ZNF536: variants seen among roughly 807,000 people sequenced by gnomAD.
The protein encoded by ZNF536 is zinc finger protein 536.
A neutral mutation model predicts 84.5 loss-of-function variants in ZNF536; 13 were observed. The observed-to-expected ratio is 0.15, with a 90% CI of 0.10 to 0.24. ZNF536 has a LOEUF of 0.24. Ranked by LOEUF, ZNF536 falls within the 10% of genes least tolerant of loss-of-function variation. The pLI, the probability that ZNF536 is intolerant of heterozygous loss-of-function variation, is 1.00. For synonymous variants in ZNF536, 811 were observed against 742.5 expected (o/e 1.09, Z -1.50); for missense variants, 1,536 against 1,747.5 (o/e 0.88, Z 2.16).
chr19:30,709,180 G>A (rs538276761), intron 1 of ZNF536, among the ~76,000 whole-genome samples: 7 of 152,268 alleles, frequency 4.6e-5, no homozygotes, highest in Non-Finnish European at 7.4e-5. Flanking sequence ...TTAGGTGAAC[G>A]TCCACAGGAA....
chr19:30,637,301 A>G (rs570798016), intron 1 of ZNF536, among the ~76,000 whole-genome samples: 8 of 152,296 alleles, frequency 5.3e-5, no homozygotes, highest in Non-Finnish European at 1.0e-4. Flanking sequence ...GCTGGGTATC[A>G]TGTCCTACTG....
intron 2 of ZNF536, among the ~76,000 whole-genome samples, chr19:30,472,270 C>A (rs1175448614): frequency 6.8e-6 from 1 of 147,548 alleles, no homozygotes; most frequent in Non-Finnish European, 1.5e-5. Flanking sequence ...TATTGGTCAG[C>A]ATCTTGCATG....
intron 1 of ZNF536, among the ~76,000 whole-genome samples, chr19:30,585,094 T>C (rs1369006355): frequency 6.6e-6 from 1 of 150,786 alleles, no homozygotes; most frequent in African/African-American, 2.4e-5. Context: ...CACTCCAGCC[T>C]GGGCAACAGA....
intron 1 of ZNF536, among the ~76,000 whole-genome samples, chr19:30,283,727 G>A (rs910136218): frequency 1.4e-5 from 2 of 146,338 alleles, no homozygotes; most frequent in African/African-American, 2.6e-5. Flanking sequence ...CAGCGAGAGA[G>A]AAAGAGAGAG....
chr19:30,548,352 T>A lies in ZNF536; in HGVS notation c.2733T>A (p.Gly911=), dbSNP rs2045636925. 1.2e-6 allele frequency: 2 copies of A among 1,613,736 alleles called. No individual in the cohort carries two copies. Among genetic ancestry groups the A allele is most frequent in the East Asian group, 4.5e-5 (2 of 44,804 alleles). The change falls in exon 4 of 5, where the codon GGT becomes GGA. Residue 911 remains glycine (G), a synonymous_variant. Coordinates refer to ENST00000355537, the MANE Select transcript of ZNF536 (RefSeq NM_014717.3). ...GRAYQSIVSN[G]VNFQGSLQAF... is the part of the protein sequence containing the mutation. ...CTTATCAAAGCATTGTGAGCAACGGTGTGAATTTCCAAGGGTCCTTGCAAG... is the reference window on the plus strand; with the variant it reads ...CTTATCAAAGCATTGTGAGCAACGGAGTGAATTTCCAAGGGTCCTTGCAAG...
intron 2 of ZNF536, among the ~76,000 whole-genome samples, chr19:30,484,900 T>C (rs2054240453): frequency 1.3e-5 from 2 of 151,950 alleles, no homozygotes; most frequent in Admixed American, 6.5e-5. Flanking sequence ...TCCCAGCACT[T>C]TGGGAGGCCG....
At chr19:30,264,923 C>T (rs2025421336) in intron 1 of ZNF536, among the ~76,000 whole-genome samples, 1 of 140,010 alleles carries the variant, frequency 7.1e-6, no homozygotes, top group Non-Finnish European at 1.6e-5. Context: ...TCTGCTCTGT[C>T]AATAGTCGTG....
intron 1 of ZNF536, among the ~76,000 whole-genome samples, chr19:30,246,616 C>T (rs902214515): frequency 4.6e-5 from 7 of 152,208 alleles, no homozygotes; most frequent in South Asian, 2.1e-4. Context: ...CGAGGGTGGG[C>T]GGTTTGGGAT....
intron 1 of ZNF536, among the ~76,000 whole-genome samples, chr19:30,582,269 C>T (rs533041361): frequency 6.6e-6 from 1 of 152,056 alleles, no homozygotes; most frequent in Admixed American, 6.5e-5. Flanking sequence ...GCCAAGGGAG[C>T]CTGTGGGTGT....
At chr19:30,371,570 TTG>T (rs1441306862), upstream of ZNF536, among the ~76,000 whole-genome samples, 2 of 149,822 alleles carry the variant, frequency 1.3e-5, no homozygotes, top group African/African-American at 5.0e-5. Flanking sequence ...TTTTTTTTTT[TTG>T]TTTTTTTTTT....
At chr19:30,318,833 C>G (rs1168176613) in intron 2 of ZNF536, among the ~76,000 whole-genome samples, 1 of 152,206 alleles carries the variant, frequency 6.6e-6, no homozygotes, top group East Asian at 1.9e-4. Flanking sequence ...CTAAGGTCAG[C>G]TTTCTTCACC....
chr19:30,261,392 T>C (rs1028939503), intron 1 of ZNF536, among the ~76,000 whole-genome samples: 3 of 149,858 alleles, frequency 2.0e-5, no homozygotes, highest in Non-Finnish European at 4.4e-5. Context: ...GGCTAACTTA[T>C]AAAAAGAAGA....
intron 2 of ZNF536, among the ~76,000 whole-genome samples, chr19:30,295,434 G>T (rs370155086): frequency 2.6e-5 from 4 of 152,160 alleles, no homozygotes; most frequent in African/African-American, 9.7e-5. Context: ...ATTGCGTGGA[G>T]GGCTTTGAAA....
At position 30,375,050 on chromosome 19, in the gene ZNF536, G is replaced by A. The variant is rs192752953; in HGVS notation, c.-3+2494G>A. On this transcript the variant is annotated intron_variant, in intron 1 of 4. Coordinates refer to ENST00000355537, the MANE Select transcript of ZNF536 (RefSeq NM_014717.3). Reference sequence around the variant, plus strand: ...AGGTGAGGGGAAATGGGACATGATGGCATTAATAATCGTTACCAAAGACGG... The same window carrying A: ...AGGTGAGGGGAAATGGGACATGATGACATTAATAATCGTTACCAAAGACGG... Among the ~76,000 whole-genome samples, 251 of 151,920 alleles carry A rather than the reference G, an allele frequency of 1.7e-3. 2 individuals carry two copies. Among genetic ancestry groups the A allele is most frequent in the African/African-American group, 5.7e-3 (235 of 41,520 alleles).
rs1427568318 is a variant in ZNF536 at position 30,291,774 on chromosome 19, T to A, written c.-120+7633T>A. On this transcript the variant is annotated intron_variant, in intron 2 of 5. Transcript: ENST00000585628. ...TTTTCCATTTTTATGCTAGCAGCCA[T>A]CTTCATGGGTGTGCAGTGGCTCTTA... Among the ~76,000 whole-genome samples the A allele has an allele frequency of 2.0e-5, 3 of 152,230 alleles. No individual in the cohort carries two copies. The East Asian group carries it at 5.8e-4, about 29-fold the overall frequency.
intron 1 of ZNF536, among the ~76,000 whole-genome samples, chr19:30,399,332 T>A (rs28834372): frequency 0.48 from 73,559 of 151,954 alleles, 20,987 homozygotes; most frequent in Non-Finnish European, 0.64. Context: ...GTCAGATGGA[T>A]AGATTGCAAA....
intron 1 of ZNF536, among the ~76,000 whole-genome samples, chr19:30,679,228 T>C (rs953318263): frequency 1.3e-5 from 2 of 152,160 alleles, no homozygotes; most frequent in African/African-American, 4.8e-5. Context: ...TGAAAGTTAA[T>C]CCATCTGTGC....
At chr19:30,491,924 A>G (rs750863834) in intron 2 of ZNF536, among the ~76,000 whole-genome samples, 10 of 151,866 alleles carry the variant, frequency 6.6e-5, no homozygotes, top group Admixed American at 2.6e-4. Flanking sequence ...ATATTCCTTG[A>G]TCAGTCTTGT....
intron 1 of ZNF536, among the ~76,000 whole-genome samples, chr19:30,253,940 C>T (rs1456666518): frequency 6.6e-5 from 10 of 151,682 alleles, no homozygotes; most frequent in African/African-American, 1.9e-4. Context: ...TTTTTTTCCC[C>T]TTCCAAAAGC....
Sources: allele counts gnomAD v4.1 joint callset (sites outside exome capture counted in the v4.1 genomes callset), GRCh38; gene constraint gnomAD v4.1.1; transcripts MANE v1.5; gene names NCBI Gene and HGNC (gene_info 2026-07-23, HGNC 2026-07-21).